Variants in PTPRM observed in about 807,000 individuals in gnomAD.
PTPRM encodes protein tyrosine phosphatase receptor type M.
In PTPRM, 47 loss-of-function variants were observed where a neutral mutation model predicts 186.7. The ratio of observed to expected loss-of-function variants is 0.25; its 90% CI spans 0.20 to 0.32. The LOEUF is 0.32. Ranked by LOEUF, PTPRM falls within the 10% of genes least tolerant of loss-of-function variation. The probability of loss-of-function intolerance (pLI) is 1.00; values close to 1 mark genes in which losing one functional copy is unlikely to be tolerated. For missense variants in PTPRM, 1,494 were observed against 1,865.0 expected (o/e 0.80, Z 3.66); for synonymous variants, 668 against 674.9 (o/e 0.99, Z 0.16).
At chr18:8,106,019 G>C (rs1419529754) in intron 11 of PTPRM, among the ~76,000 whole-genome samples, 2 of 152,124 alleles carry the variant, frequency 1.3e-5, no homozygotes, top group East Asian at 3.8e-4. Flanking sequence ...TTCTTTCCCG[G>C]CCCACCCTCA....
intron 9 of PTPRM, among the ~76,000 whole-genome samples, chr18:8,081,472 T>A (rs1185540460): frequency 6.6e-6 from 1 of 152,234 alleles, no homozygotes; most frequent in Admixed American, 6.5e-5. Context: ...CCAGACTTCC[T>A]TCTTGTAGTT....
At chr18:7,921,167 C>T (rs1030085152) in intron 4 of PTPRM, among the ~76,000 whole-genome samples, 9 of 152,078 alleles carry the variant, frequency 5.9e-5, no homozygotes, top group African/African-American at 1.9e-4. Context: ...AATAGGTAAG[C>T]TTTTTGCCCC....
intron 1 of PTPRM, among the ~76,000 whole-genome samples, chr18:7,771,230 T>C (rs1051031823): frequency 1.3e-5 from 2 of 152,228 alleles, no homozygotes; most frequent in Non-Finnish European, 2.9e-5. Flanking sequence ...TGTAGGACTT[T>C]CATCTGAGTG....
intron 7 of PTPRM, among the ~76,000 whole-genome samples, chr18:8,034,592 C>T (rs1003622479): frequency 1.3e-5 from 2 of 152,166 alleles, no homozygotes; most frequent in Admixed American, 6.5e-5. Context: ...TGAAATCCAG[C>T]AGATCAAACT....
At chr18:8,394,454 C>T in intron 31 of PTPRM, 22 bp from the exon 32 acceptor site, 2 of 1,600,300 alleles carry the variant, frequency 1.2e-6, no homozygotes, top group Non-Finnish European at 1.7e-6. Flanking sequence ...CGAGTGCAGT[C>T]ATCTGATCTT....
chr18:7,629,718 T>A (rs1185281185), intron 1 of PTPRM, among the ~76,000 whole-genome samples: 1 of 151,912 alleles, frequency 6.6e-6, no homozygotes, highest in Non-Finnish European at 1.5e-5. Context: ...CTGAAACCAT[T>A]TTAGCCTAGA....
intron 7 of PTPRM, among the ~76,000 whole-genome samples, chr18:7,977,990 G>T (rs1170446396): frequency 6.6e-6 from 1 of 152,202 alleles, no homozygotes; most frequent in African/African-American, 2.4e-5. Context: ...GGAAACTGAG[G>T]CTGGGAGTAA....
chr18:7,965,128 C>T (rs2053947441), intron 7 of PTPRM, among the ~76,000 whole-genome samples: 1 of 151,062 alleles, frequency 6.6e-6, no homozygotes. Context: ...TCACTGCAAC[C>T]TCCGCCTCCC....
chr18:7,737,251 A>G (rs1291476643), intron 1 of PTPRM, among the ~76,000 whole-genome samples: 1 of 151,718 alleles, frequency 6.6e-6, no homozygotes, highest in Non-Finnish European at 1.5e-5. Flanking sequence ...GCCCGCCACC[A>G]CGCCCATCTA....
intron 22 of PTPRM, among the ~76,000 whole-genome samples, chr18:8,323,561 A>G (rs1179448170): frequency 1.3e-5 from 2 of 152,202 alleles, no homozygotes; most frequent in Non-Finnish European, 2.9e-5. Flanking sequence ...AGGTGCCTCA[A>G]TGCCCACTTC....
chr18:7,850,725 G>A (rs533776932), intron 2 of PTPRM, among the ~76,000 whole-genome samples: 3 of 152,204 alleles, frequency 2.0e-5, no homozygotes, highest in East Asian at 3.8e-4. Context: ...TTCCCAGCCT[G>A]TGCCTCTGCT....
At chr18:7,632,183 C>G (rs2038207657) in intron 1 of PTPRM, among the ~76,000 whole-genome samples, 2 of 152,160 alleles carry the variant, frequency 1.3e-5, no homozygotes, top group South Asian at 4.1e-4. Context: ...CCTAGCATAT[C>G]CATTTCACTG....
intron 22 of PTPRM, among the ~76,000 whole-genome samples, chr18:8,321,202 A>G (rs1023438717): frequency 8.5e-5 from 13 of 152,226 alleles, no homozygotes; most frequent in African/African-American, 3.1e-4. Flanking sequence ...TGATTGTAAA[A>G]TACCCAAAAT....
chr18:7,838,705 C>A (rs1378946578), intron 2 of PTPRM, among the ~76,000 whole-genome samples: 1 of 152,226 alleles, frequency 6.6e-6, no homozygotes, highest in Admixed American at 6.5e-5. Context: ...TGGGGCTCTA[C>A]AGTCAGCAGA....
chr18:7,587,408 C>T (rs2037007152), intron 1 of PTPRM, among the ~76,000 whole-genome samples: 1 of 151,864 alleles, frequency 6.6e-6, no homozygotes, highest in Non-Finnish European at 1.5e-5. Flanking sequence ...TGCCAAGATT[C>T]ACATCATTAT....
intron 2 of PTPRM, among the ~76,000 whole-genome samples, chr18:7,868,443 C>G (rs2047822194): frequency 6.6e-6 from 1 of 152,172 alleles, no homozygotes; most frequent in Non-Finnish European, 1.5e-5. Context: ...TTCCTTCTAA[C>G]ATTCGGACCC....
chr18:7,637,980 A>G (rs937817512), intron 1 of PTPRM, among the ~76,000 whole-genome samples: 2 of 152,214 alleles, frequency 1.3e-5, no homozygotes, highest in African/African-American at 4.8e-5. Context: ...GGCTTTTGCC[A>G]GGAAACAGGT....
chr18:8,160,176 C>G (rs983629376), intron 14 of PTPRM, among the ~76,000 whole-genome samples: 3 of 152,016 alleles, frequency 2.0e-5, no homozygotes, highest in Admixed American at 6.6e-5. Flanking sequence ...ATTTTTATAA[C>G]CAACATCAAT....
chr18:7,827,157 G>A (rs538322647), intron 2 of PTPRM, among the ~76,000 whole-genome samples: 1 of 152,254 alleles, frequency 6.6e-6, no homozygotes, highest in East Asian at 1.9e-4. Flanking sequence ...GGGCACTAAG[G>A]TTTGCTTTGG....
Sources: allele counts gnomAD v4.1 joint callset (sites outside exome capture counted in the v4.1 genomes callset), GRCh38; gene constraint gnomAD v4.1.1; transcripts MANE v1.5; gene names NCBI Gene and HGNC (gene_info 2026-07-23, HGNC 2026-07-21).